Variants in SEMA5A observed in about 807,000 individuals in gnomAD.
The protein encoded by SEMA5A is semaphorin 5A.
In SEMA5A, 55 loss-of-function variants were observed where a neutral mutation model predicts 135.5. The observed-to-expected ratio is 0.41, with a 90% CI of 0.33 to 0.51. SEMA5A has a LOEUF of 0.51. Ranked by LOEUF, SEMA5A falls within the 20% of genes least tolerant of loss-of-function variation. SEMA5A has a pLI of 0.37. For missense variants in SEMA5A, 1,290 were observed against 1,419.9 expected (o/e 0.91, Z 1.47); for synonymous variants, 580 against 546.5 (o/e 1.06, Z -0.85).
chr5:9,085,837 C>G (rs1003005220), intron 16 of SEMA5A, among the ~76,000 whole-genome samples: 1 of 152,190 alleles, frequency 6.6e-6, no homozygotes, highest in Non-Finnish European at 1.5e-5. Flanking sequence ...CGCAGACACT[C>G]AATGCCAGCC....
intron 2 of SEMA5A, among the ~76,000 whole-genome samples, chr5:9,380,693 T>C (rs1048604035): frequency 6.6e-6 from 1 of 152,214 alleles, no homozygotes; most frequent in Non-Finnish European, 1.5e-5. Flanking sequence ...GCTTGGAAAC[T>C]TTAAAGATTA....
chr5:9,366,372 T>C lies in SEMA5A; in HGVS notation c.124+13451A>G, dbSNP rs143964237. 8.8e-3 allele frequency among the ~76,000 whole-genome samples: 1,347 copies of C among 152,244 alleles called. 18 individuals carry two copies. Among genetic ancestry groups the C allele is most frequent in the African/African-American group, 0.03 (1,247 of 41,508 alleles). On this transcript the variant is annotated intron_variant, in intron 3 of 22. Coordinates refer to ENST00000382496, the MANE Select transcript of SEMA5A (RefSeq NM_003966.3). Reference sequence around the variant, plus strand: ...TCAACAGAAATCTCCATTTTTATTTTGCTCCTGCAATAAAGAATTCTTTTT... The same window carrying C: ...TCAACAGAAATCTCCATTTTTATTTCGCTCCTGCAATAAAGAATTCTTTTT...
intron 12 of SEMA5A, among the ~76,000 whole-genome samples, chr5:9,151,758 A>G (rs1742647488): frequency 6.6e-6 from 1 of 152,214 alleles, no homozygotes; most frequent in Non-Finnish European, 1.5e-5. Context: ...GGGCACACAG[A>G]AGACTATAGT....
intron 1 of SEMA5A, among the ~76,000 whole-genome samples, chr5:9,458,447 C>G (rs529506071): frequency 6.6e-6 from 1 of 152,290 alleles, no homozygotes; most frequent in South Asian, 2.1e-4. Context: ...GCCAATGACA[C>G]TCCTTCATCA....
At chr5:9,221,342 A>C (rs183053930) in intron 8 of SEMA5A, among the ~76,000 whole-genome samples, 29 of 124,852 alleles carry the variant, frequency 2.3e-4, no homozygotes, top group Middle Eastern at 6.0e-3. Flanking sequence ...TCGCTGTGTC[A>C]CCCAGGCTGG....
chr5:9,457,766 T>C (rs1371965161), intron 1 of SEMA5A, among the ~76,000 whole-genome samples: 1 of 152,144 alleles, frequency 6.6e-6, no homozygotes. Flanking sequence ...CAAACAACTT[T>C]TCAAAAAAAG....
intron 13 of SEMA5A, among the ~76,000 whole-genome samples, chr5:9,127,860 C>G (rs1483028866): frequency 2.0e-5 from 3 of 151,992 alleles, no homozygotes; most frequent in Admixed American, 1.3e-4. Flanking sequence ...TAAGGAAATC[C>G]TAAACTCATA....
chr5:9,336,646 T>C (rs998971309), intron 4 of SEMA5A, among the ~76,000 whole-genome samples: 2 of 152,298 alleles, frequency 1.3e-5, no homozygotes, highest in Middle Eastern at 3.4e-3. Context: ...TTCTTCCTAC[T>C]CATGTAAAAT....
At chr5:9,388,481 AAAG>A (rs1269685186) in intron 2 of SEMA5A, among the ~76,000 whole-genome samples, 1 of 151,876 alleles carries the variant, frequency 6.6e-6, no homozygotes, top group African/African-American at 2.4e-5. Flanking sequence ...AAAAAAAAAA[AAAG>A]AAAAAGAAAA....
intron 8 of SEMA5A, among the ~76,000 whole-genome samples, chr5:9,221,238 T>A (rs1211555617): frequency 6.6e-6 from 1 of 152,192 alleles, no homozygotes; most frequent in Non-Finnish European, 1.5e-5. Context: ...GTGTTTGTTT[T>A]TAGCTTGTTG....
chr5:9,330,427 T>TG (rs1377408499), intron 4 of SEMA5A, among the ~76,000 whole-genome samples: 9 of 151,644 alleles, frequency 5.9e-5, no homozygotes, highest in African/African-American at 2.2e-4. Context: ...TTTTTTTTGT[T>TG]TTTGTTTTTG....
intron 13 of SEMA5A, among the ~76,000 whole-genome samples, chr5:9,123,411 T>TGAA (rs1185129282): frequency 2.4e-5 from 3 of 124,136 alleles, no homozygotes; most frequent in Admixed American, 8.9e-5. Context: ...AAGAGGAAGA[T>TGAA]GAAGAAGAAG....
chr5:9,208,222 GTAAT>G lies in SEMA5A; in HGVS notation c.647-5986_647-5983del, dbSNP rs533914402. Among the ~76,000 whole-genome samples the G allele has an allele frequency of 1.2e-3, 183 of 152,164 alleles. 2 individuals are homozygous for G. Among genetic ancestry groups the G allele is most frequent in the African/African-American group, 4.2e-3 (176 of 41,466 alleles). Reference sequence around the variant, plus strand: ...ACACAGATGTGAGTAAATAGTATCAGTAATTAATAAGATAACTCATTGAGTATGC... The same window carrying G: ...ACACAGATGTGAGTAAATAGTATCAGTAATAAGATAACTCATTGAGTATGC... On this transcript the variant is annotated intron_variant, in intron 8 of 22. Transcript: ENST00000382496.
intron 18 of SEMA5A, among the ~76,000 whole-genome samples, chr5:9,060,832 C>T (rs1737143316): frequency 6.6e-6 from 1 of 152,150 alleles, no homozygotes; most frequent in Admixed American, 6.6e-5. Flanking sequence ...AGCACCCAAT[C>T]CAATGAATTT....
chr5:9,086,328 C>A (rs1386028583), intron 16 of SEMA5A, among the ~76,000 whole-genome samples: 1 of 152,084 alleles, frequency 6.6e-6, no homozygotes, highest in Non-Finnish European at 1.5e-5. Context: ...CATCTTGTAG[C>A]TCCCATTATT....
chr5:9,402,681 T>C (rs1374060489), intron 2 of SEMA5A, among the ~76,000 whole-genome samples: 3 of 152,182 alleles, frequency 2.0e-5, no homozygotes, highest in African/African-American at 7.2e-5. Context: ...ACTGGTACCG[T>C]CTACTTGTCA....
chr5:9,375,652 T>C (rs1445119176), intron 3 of SEMA5A, among the ~76,000 whole-genome samples: 1 of 149,818 alleles, frequency 6.7e-6, no homozygotes, highest in African/African-American at 2.5e-5. Flanking sequence ...AATACAGTAC[T>C]GCTGACAGAA....
intron 19 of SEMA5A, 45 bp downstream of exon 19, chr5:9,054,042 G>A (rs781753465): frequency 1.3e-5 from 20 of 1,555,730 alleles, no homozygotes; most frequent in Non-Finnish European, 1.7e-5. Flanking sequence ...TAAGGAAAGA[G>A]GCCAATTTGT....
intron 12 of SEMA5A, among the ~76,000 whole-genome samples, chr5:9,147,155 G>A (rs1167934078): frequency 6.6e-6 from 1 of 152,132 alleles, no homozygotes; most frequent in Non-Finnish European, 1.5e-5. Flanking sequence ...ACATCCTGTA[G>A]TAATCTAATT....
Sources: allele counts gnomAD v4.1 joint callset (sites outside exome capture counted in the v4.1 genomes callset), GRCh38; gene constraint gnomAD v4.1.1; transcripts MANE v1.5; gene names NCBI Gene and HGNC (gene_info 2026-07-23, HGNC 2026-07-21).